Variants in NEMP2 observed in about 807,000 individuals in gnomAD.
The protein encoded by NEMP2 is UPF0571 transmembrane protein.
Under a neutral mutation model 54.2 loss-of-function variants are expected in NEMP2, and 53 were observed. The ratio of observed to expected loss-of-function variants is 0.98; its 90% CI spans 0.78 to 1.23. The LOEUF (loss-of-function observed/expected upper bound fraction) is 1.23. NEMP2 is among the 50% of genes most tolerant of loss of function. The pLI, the probability that NEMP2 is intolerant of heterozygous loss-of-function variation, is 0.00. For missense variants in NEMP2, 455 were observed against 511.3 expected (o/e 0.89, Z 1.06); for synonymous variants, 197 against 190.3 (o/e 1.04, Z -0.29).
chr2:190,498,184 A>C, the NEMP2 span, among the ~76,000 whole-genome samples: 1 of 152,204 alleles, frequency 6.6e-6, no homozygotes, highest in Admixed American at 6.5e-5. The surrounding 1 kb of genome is among the most constrained non-coding windows in gnomAD (Gnocchi z 5.9). Context: ...CTCACCTGAA[A>C]AATAAGTCTA....
At chr2:190,612,390 G>A in the NEMP2 span, among the ~76,000 whole-genome samples, 144 of 152,110 alleles carry the variant, frequency 9.5e-4, 1 homozygote, top group African/African-American at 3.3e-3. Context: ...TCCTGACCTC[G>A]TGATCTGCCC....
Position 190,516,388 on chromosome 2 carries a change from T to G in NEMP2, c.613-4A>C. ...TTAGAGCCCAAAAGGTGCTATACTG[T>G]GTGTGGAAGAAAATAAATGACACAT... is the stretch of plus-strand genomic sequence containing the variant. On this transcript the variant is annotated splice_region_variant and splice_polypyrimidine_tract_variant and intron_variant, in intron 5 of 8. Coordinates refer to ENST00000409150, the MANE Select transcript of NEMP2 (RefSeq NM_001142645.2). 2.0e-6 allele frequency: 3 copies of G among 1,530,708 alleles called. No homozygotes were observed. Among genetic ancestry groups the G allele is most frequent in the Non-Finnish European group, 2.6e-6 (3 of 1,139,016 alleles). 94.8% of individuals were successfully genotyped at this position (1,530,708 alleles called of 1,614,324 possible).
At chr2:190,619,337 A>C in the NEMP2 span, among the ~76,000 whole-genome samples, 34 of 144,674 alleles carry the variant, frequency 2.4e-4, no homozygotes, top group East Asian at 9.8e-4. This position sits in a 1 kb window ranked among gnomAD's most constrained non-coding sequence, Gnocchi z 5.5. Context: ...TGTCTCCACA[A>C]AAAAAAAAAA....
chr2:190,444,563 T>C, the NEMP2 span, among the ~76,000 whole-genome samples: 1,474 of 152,346 alleles, frequency 9.7e-3, 19 homozygotes, highest in African/African-American at 0.034. Flanking sequence ...GGAGATTTTA[T>C]GGTTCCATCG....
the NEMP2 span, chr2:190,640,916 C>G: frequency 6.8e-6 from 1 of 147,792 alleles, no homozygotes; most frequent in South Asian, 2.1e-4. Context: ...GTTTTTGAAC[C>G]CATTCTGCTT....
chr2:190,467,204 A>C, the NEMP2 span, among the ~76,000 whole-genome samples: 2 of 152,260 alleles, frequency 1.3e-5, no homozygotes, highest in African/African-American at 4.8e-5. The surrounding 1 kb of genome is among the most constrained non-coding windows in gnomAD (Gnocchi z 5.5). Context: ...CAGTAAGAGA[A>C]CAACCTGGGG....
At chr2:190,643,203 T>A in the NEMP2 span, among the ~76,000 whole-genome samples, 1 of 152,206 alleles carries the variant, frequency 6.6e-6, no homozygotes, top group Non-Finnish European at 1.5e-5. Context: ...GCTTACTGTA[T>A]ACTTAGGATG....
At chr2:190,561,141 A>G in the NEMP2 span, among the ~76,000 whole-genome samples, 1 of 152,162 alleles carries the variant, frequency 6.6e-6, no homozygotes, top group African/African-American at 2.4e-5. The surrounding 1 kb of genome is among the most constrained non-coding windows in gnomAD (Gnocchi z 5.4). Context: ...GTCTGCTCCC[A>G]TCAGGACCGC....
chr2:190,437,041 G>A, the NEMP2 span: 1 of 1,614,202 alleles, frequency 6.2e-7, no homozygotes, highest in Non-Finnish European at 8.5e-7. The surrounding 1 kb of genome is among the most constrained non-coding windows in gnomAD (Gnocchi z 5.9). Context: ...CTGGGGCCTG[G>A]CGATGCTGTC....
intron 2 of NEMP2, among the ~76,000 whole-genome samples, chr2:190,524,955 T>G (rs1690879752): frequency 1.3e-5 from 2 of 152,198 alleles, no homozygotes; most frequent in Admixed American, 6.5e-5. Flanking sequence ...GGATAGCAAT[T>G]GTGGAAAGTA....
the NEMP2 span, among the ~76,000 whole-genome samples, chr2:190,583,231 C>CTT: frequency 1.4e-5 from 2 of 141,758 alleles, no homozygotes; most frequent in South Asian, 2.3e-4. Context: ...AGTCATAGGT[C>CTT]TTTTTTTTTT....
the NEMP2 span, among the ~76,000 whole-genome samples, chr2:190,439,001 T>C: frequency 1.1e-3 from 165 of 152,230 alleles, 1 homozygote; most frequent in African/African-American, 3.9e-3. This position sits in a 1 kb window ranked among gnomAD's most constrained non-coding sequence, Gnocchi z 5.8. Context: ...TGTGTGGATA[T>C]TTCCTGGACC....
chr2:190,527,728 C>T lies in NEMP2; in HGVS notation c.98-2350G>A, dbSNP rs1311618262. Among the ~76,000 whole-genome samples the T allele has an allele frequency of 2.6e-5, 4 of 152,066 alleles. No individual in the cohort carries two copies. The highest frequency in any genetic ancestry group is 6.5e-5 in the Admixed American group (1 of 15,274). ...AGGGCTGCAGGAGGTGAGCGGTGCG[C>T]GAGGCGAGTGATCATTACCACCTGA... On this transcript the variant is annotated intron_variant, in intron 1 of 8. Transcript: ENST00000409150. This position sits in a 1 kb window ranked among gnomAD's most constrained non-coding sequence, Gnocchi z 4.0.
the NEMP2 span, among the ~76,000 whole-genome samples, chr2:190,498,643 C>CT: frequency 6.6e-6 from 1 of 152,180 alleles, no homozygotes; most frequent in Non-Finnish European, 1.5e-5. The surrounding 1 kb of genome is among the most constrained non-coding windows in gnomAD (Gnocchi z 5.9). Context: ...CATCATTACT[C>CT]TGCTCAGTCA....
chr2:190,432,755 G>A, the NEMP2 span, among the ~76,000 whole-genome samples: 1 of 152,018 alleles, frequency 6.6e-6, no homozygotes, highest in African/African-American at 2.4e-5. Context: ...AAAATAACCT[G>A]CATTTGTTTG....
chr2:190,647,999 C>A, the NEMP2 span, among the ~76,000 whole-genome samples: 44 of 152,290 alleles, frequency 2.9e-4, no homozygotes, highest in African/African-American at 1.0e-3. Flanking sequence ...CAGGCGTGAG[C>A]CCTGGCCAGC....
chr2:190,623,239 C>T, the NEMP2 span, among the ~76,000 whole-genome samples: 5 of 151,864 alleles, frequency 3.3e-5, no homozygotes, highest in South Asian at 2.1e-4. Flanking sequence ...ATGACCATAC[C>T]GCCCAAAGCA....
At chr2:190,577,713 T>C in the NEMP2 span, among the ~76,000 whole-genome samples, 1 of 151,962 alleles carries the variant, frequency 6.6e-6, no homozygotes, top group Non-Finnish European at 1.5e-5. This position sits in a 1 kb window ranked among gnomAD's most constrained non-coding sequence, Gnocchi z 4.8. Context: ...CCACCTCTAC[T>C]AAAAATACAA....
the NEMP2 span, among the ~76,000 whole-genome samples, chr2:190,559,069 A>G: frequency 6.6e-6 from 1 of 152,178 alleles, no homozygotes. This position sits in a 1 kb window ranked among gnomAD's most constrained non-coding sequence, Gnocchi z 4.0. Context: ...GGTAGAAGGG[A>G]AATAGCAAGA....
Sources: gnomAD v4.1 joint callset for allele counts (sites outside exome capture counted in the v4.1 genomes callset) on GRCh38, gnomAD v4.1.1 for gene constraint, Gnocchi (gnomAD v3.1) non-coding constraint, MANE v1.5 for transcripts, NCBI Gene and HGNC (gene_info 2026-07-23, HGNC 2026-07-21) for gene names.